Variants in WDR33 observed in about 807,000 individuals in gnomAD.
The protein encoded by WDR33 is WD repeat domain 33.
In WDR33, 47 loss-of-function variants were observed where a neutral mutation model predicts 164.9. That is an observed-to-expected ratio of 0.29 (90% CI 0.23 to 0.36). The LOEUF (loss-of-function observed/expected upper bound fraction) is 0.36. Ranked by LOEUF, WDR33 falls within the 10% of genes least tolerant of loss-of-function variation. The pLI, the probability that WDR33 is intolerant of heterozygous loss-of-function variation, is 1.00. For synonymous variants in WDR33, 505 were observed against 589.0 expected, an observed-to-expected ratio of 0.86 and a Z score of 2.06; for missense variants, 1,137 against 1,754.1, an observed-to-expected ratio of 0.65 and a Z score of 6.28.
At position 127,705,332 on chromosome 2, in the gene WDR33, A is replaced by T. The variant is rs935994414; in HGVS notation, c.*991T>A. 6.2e-6 allele frequency: 1 copy of T among 161,336 alleles called. No individual in the cohort carries two copies. The highest frequency in any genetic ancestry group is 2.4e-5 in the African/African-American group (1 of 41,464). The allele number at this position is 161,336 out of a possible 1,614,324, so 10.0% of individuals were successfully genotyped here. A position where few individuals can be genotyped will look rare whatever the true frequency, so the allele number is the denominator to read the frequency against. ...ATTTTAAACAAGGAATTTGCCATGG[A>T]CAAGATCTATCTGGCTTACTGTGAG... is the stretch of plus-strand genomic sequence containing the variant. On this transcript the variant is annotated 3_prime_UTR_variant, in exon 22 of 22. Transcript: ENST00000322313. The surrounding 1 kb of genome is among the most constrained non-coding windows in gnomAD (Gnocchi z 4.5).
At chr2:127,783,479 C>G (rs1340357129) in intron 1 of WDR33, among the ~76,000 whole-genome samples, 1 of 152,006 alleles carries the variant, frequency 6.6e-6, no homozygotes, top group Non-Finnish European at 1.5e-5. Flanking sequence ...GTTTTCCTAC[C>G]CAGGTGATTT....
At position 127,741,007 on chromosome 2, in the gene WDR33, T is replaced by C. The variant is rs186071807; in HGVS notation, c.725-14230A>G. On this transcript the variant is annotated intron_variant, in intron 7 of 21. Transcript: ENST00000322313. The surrounding 1 kb of genome is among the most constrained non-coding windows in gnomAD (Gnocchi z 4.1). ...AAAATGAAACCCAAAATACATAGACTGTAGTTGTCAGTGACAAAGGTTGTG... is the reference window on the plus strand; with the variant it reads ...AAAATGAAACCCAAAATACATAGACCGTAGTTGTCAGTGACAAAGGTTGTG... Among the ~76,000 whole-genome samples the C allele has an allele frequency of 6.6e-6, 1 of 152,082 alleles. No homozygotes were observed. Among genetic ancestry groups the C allele is most frequent in the Non-Finnish European group, 1.5e-5 (1 of 67,978 alleles).
chr2:127,730,310 T>C (rs551394958), intron 7 of WDR33, among the ~76,000 whole-genome samples: 76 of 152,250 alleles, frequency 5.0e-4, no homozygotes, highest in Non-Finnish European at 9.4e-4. Context: ...TGATATGCAA[T>C]TGCTTCCTTC....
At chr2:127,707,461 G>C (rs543029658) in intron 21 of WDR33, among the ~76,000 whole-genome samples, 12 of 152,268 alleles carry the variant, frequency 7.9e-5, no homozygotes, top group Non-Finnish European at 1.6e-4. Flanking sequence ...CTTAGAAAGT[G>C]CAGCTTCAAC....
chr2:127,718,959 G>A lies in WDR33; in HGVS notation c.2760+306C>T, dbSNP rs1177921673. Among the ~76,000 whole-genome samples the A allele has an allele frequency of 6.6e-6, 1 of 152,172 alleles. No homozygotes were observed. Among genetic ancestry groups the A allele is most frequent in the Non-Finnish European group, 1.5e-5 (1 of 68,036 alleles). On this transcript the variant is annotated intron_variant, in intron 16 of 21. Coordinates refer to ENST00000322313, the MANE Select transcript of WDR33 (RefSeq NM_018383.5). The surrounding 1 kb of genome is among the most constrained non-coding windows in gnomAD (Gnocchi z 4.4). The stretch of plus-strand genomic sequence containing the variant: ...CCTCCTCAGGGCCACAGCTCTCCTG[G>A]AGCCCTGGGACAATTATCAGCTGTA...
rs146305745 is a variant in WDR33 at position 127,713,162 on chromosome 2, A to C, written c.3308+421T>G. Among the ~76,000 whole-genome samples, 767 of 152,286 alleles carry C rather than the reference A, an allele frequency of 5.0e-3. 12 individuals are homozygous for C. The highest frequency in any genetic ancestry group is 0.017 in the African/African-American group (715 of 41,558). On this transcript the variant is annotated intron_variant, in intron 18 of 21. Coordinates refer to ENST00000322313, the MANE Select transcript of WDR33 (RefSeq NM_018383.5). This position sits in a 1 kb window ranked among gnomAD's most constrained non-coding sequence, Gnocchi z 6.2. ...AAGTTTAACAGGAAGACTGTTTTTC[A>C]GTTTAAGTTTGTTAAGATTATTGGG... is the stretch of plus-strand genomic sequence containing the variant.
At chr2:127,789,343 G>A (rs1688759140) in intron 1 of WDR33, among the ~76,000 whole-genome samples, 1 of 97,154 alleles carries the variant, frequency 1.0e-5, no homozygotes, top group South Asian at 4.3e-4. Flanking sequence ...GGGAGGCCAA[G>A]GCAGGCGGCT....
At chr2:127,792,385 G>A (rs12996018) in intron 1 of WDR33, among the ~76,000 whole-genome samples, 20,103 of 151,984 alleles carry the variant, frequency 0.13, 1,449 homozygotes, top group South Asian at 0.26. Flanking sequence ...TTCTTGGCAG[G>A]GCAGGTGGCT....
In WDR33 at chr2:127,704,018, T is replaced by C. The variant is rs1685955458; in HGVS notation, c.*2305A>G. 1 of 166,344 alleles carries C rather than the reference T, an allele frequency of 6.0e-6. No individual in the cohort carries two copies. The highest frequency in any genetic ancestry group is 1.5e-5 in the Non-Finnish European group (1 of 68,094). 10.3% of individuals were successfully genotyped at this position (166,344 alleles called of 1,614,324 possible). On this transcript the variant is annotated 3_prime_UTR_variant, in exon 22 of 22. Transcript: ENST00000322313. The stretch of plus-strand genomic sequence containing the variant: ...CAACTGTGATCCCAGCTACTTGGGG[T>C]GGGGCTGAGGTGGGAAGATCACTTG...
rs561098325 is a variant in WDR33 at position 127,733,000 on chromosome 2, T to C, written c.725-6223A>G. On this transcript the variant is annotated intron_variant, in intron 7 of 21. Transcript: ENST00000322313. ...CCCAAATGTGAAAATTCCAAGAATG[T>C]AGTGTTTGTAATACTGCAAGAATAC... Among the ~76,000 whole-genome samples, 4 of 152,330 alleles carry C rather than the reference T, an allele frequency of 2.6e-5. No homozygotes were observed. In the South Asian group the frequency reaches 8.3e-4, roughly 32 times the overall value.
intron 1 of WDR33, among the ~76,000 whole-genome samples, chr2:127,777,289 T>C (rs1302660784): frequency 1.3e-5 from 2 of 152,202 alleles, no homozygotes; most frequent in Admixed American, 6.5e-5. Flanking sequence ...AGCGCACAAT[T>C]CTGATTCACT....
At position 127,735,561 on chromosome 2, in the gene WDR33, G is replaced by A; in HGVS notation, c.725-8784C>T. The A allele has an allele frequency of 1.0e-6, 1 of 985,698 alleles. No homozygotes were observed. The highest frequency in any genetic ancestry group is 1.2e-6 in the Non-Finnish European group (1 of 829,872). The allele number at this position is 985,698 out of a possible 1,614,324, so 61.1% of individuals were successfully genotyped here. ...GAAAAAAGGCAAACAAAGAATTCAA[G>A]TACCATCTTGTACAATATTAACAGA... On this transcript the variant is annotated intron_variant, in intron 7 of 21. Transcript: ENST00000322313. This position sits in a 1 kb window ranked among gnomAD's most constrained non-coding sequence, Gnocchi z 4.3.
intron 7 of WDR33, among the ~76,000 whole-genome samples, chr2:127,749,835 C>T (rs1687265141): frequency 6.6e-6 from 1 of 151,154 alleles, no homozygotes; most frequent in Admixed American, 6.6e-5. Flanking sequence ...TTTCATTTCA[C>T]AGGCTTTTTT....
At position 127,724,294 on chromosome 2, in the gene WDR33, G is replaced by T; in HGVS notation, c.1196+39C>A. The T allele has an allele frequency of 1.4e-6, 2 of 1,472,168 alleles. No individual in the cohort carries two copies. Among genetic ancestry groups the T allele is most frequent in the Non-Finnish European group, 1.9e-6 (2 of 1,055,118 alleles). 91.2% of individuals were successfully genotyped at this position (1,472,168 alleles called of 1,614,324 possible). On this transcript the variant is annotated intron_variant, in intron 11 of 21. Transcript: ENST00000322313. This position sits in a 1 kb window ranked among gnomAD's most constrained non-coding sequence, Gnocchi z 4.8. Reference sequence around the variant, plus strand: ...ACACATACAGTATTTATTTCCTGTTGCTCCATATAAAGCTTTGCTATTTCA... The same window carrying T: ...ACACATACAGTATTTATTTCCTGTTTCTCCATATAAAGCTTTGCTATTTCA...
chr2:127,741,797 AG>A lies in WDR33; in HGVS notation c.725-15021del, dbSNP rs1158124657. Among the ~76,000 whole-genome samples, 1 of 152,244 alleles carries A rather than the reference AG, an allele frequency of 6.6e-6. No individual in the cohort carries two copies. The highest frequency in any genetic ancestry group is 1.5e-5 in the Non-Finnish European group (1 of 68,048). ...CCCAATTACTATGTTAAAGGTTTTAAGGGGTATATTCCTTAAAAACAAACCA... is the reference window on the plus strand; with the variant it reads ...CCCAATTACTATGTTAAAGGTTTTAAGGGTATATTCCTTAAAAACAAACCA... On this transcript the variant is annotated intron_variant, in intron 7 of 21. Transcript: ENST00000322313. This position sits in a 1 kb window ranked among gnomAD's most constrained non-coding sequence, Gnocchi z 4.1.
At chr2:127,809,375 C>A (rs1358043521) in intron 1 of WDR33, among the ~76,000 whole-genome samples, 1 of 148,772 alleles carries the variant, frequency 6.7e-6, no homozygotes, top group Non-Finnish European at 1.5e-5. Context: ...ATCAGCTTCA[C>A]AGATAAACAT....
At chr2:127,788,495 G>A (rs1270787778) in intron 1 of WDR33, among the ~76,000 whole-genome samples, 186 of 118,536 alleles carry the variant, frequency 1.6e-3, no homozygotes, top group South Asian at 3.6e-3. Flanking sequence ...CCTCCCTCCC[G>A]GACGGGGCGG....
Position 127,708,989 on chromosome 2 carries a change from C to G in WDR33, c.3566-97G>C. The G allele has an allele frequency of 6.1e-6, 8 of 1,304,164 alleles. No individual in the cohort carries two copies. The highest frequency in any genetic ancestry group is 8.1e-6 in the Non-Finnish European group (8 of 987,936). 80.8% of individuals were successfully genotyped at this position (1,304,164 alleles called of 1,614,324 possible). A position where few individuals can be genotyped will look rare whatever the true frequency, so the allele number is the denominator to read the frequency against. ...GAGTAAGGAGCAACTCGAGAGCCAC[C>G]GTTCACTCATGCTGAATGCCCGCCA... On this transcript the variant is annotated intron_variant, in intron 20 of 21. Transcript: ENST00000322313. This position sits in a 1 kb window ranked among gnomAD's most constrained non-coding sequence, Gnocchi z 6.7.
In WDR33 at chr2:127,719,996, TTCCTTGGGG is replaced by T. The variant is rs1558923158; in HGVS notation, c.2020_2028del (p.Pro674_Gly676del). ...CCATGAGGTCCAGGATGCCTCTGCA[TTCCTTGGGG>T]CCCATGCATGTCCTGAGGCCGTGGC... is the stretch of plus-strand genomic sequence containing the variant. On this transcript the variant is annotated inframe_deletion, in exon 16 of 22. Coordinates refer to ENST00000322313, the MANE Select transcript of WDR33 (RefSeq NM_018383.5). This position sits in a 1 kb window ranked among gnomAD's most constrained non-coding sequence, Gnocchi z 6.5. The T allele has an allele frequency of 6.2e-7, 1 of 1,613,772 alleles. No individual in the cohort carries two copies. The highest frequency in any genetic ancestry group is 8.5e-7 in the Non-Finnish European group (1 of 1,179,904).
Sources: gnomAD v4.1 joint callset for allele counts (sites outside exome capture counted in the v4.1 genomes callset) on GRCh38, gnomAD v4.1.1 for gene constraint, Gnocchi (gnomAD v3.1) non-coding constraint, MANE v1.5 for transcripts, NCBI Gene and HGNC (gene_info 2026-07-23, HGNC 2026-07-21) for gene names.